Variants in RAB38 observed in about 807,000 individuals in gnomAD.
The protein encoded by RAB38 is RAB38, member RAS oncogene family, also known as ras-related protein Rab-38.
A neutral mutation model predicts 18.4 loss-of-function variants in RAB38; 15 were observed. The observed-to-expected ratio is 0.82, with a 90% CI of 0.55 to 1.26. RAB38 has a LOEUF of 1.26. RAB38 is among the 50% of genes most tolerant of loss of function. The probability of loss-of-function intolerance (pLI) is 0.00; values close to 1 mark genes in which losing one functional copy is unlikely to be tolerated. For synonymous variants in RAB38, 101 were observed against 104.4 expected (o/e 0.97, Z 0.20); for missense variants, 294 against 267.4 (o/e 1.10, Z -0.69).
At chr11:87,872,051 A>G in the RAB38 span, among the ~76,000 whole-genome samples, 2 of 151,674 alleles carry the variant, frequency 1.3e-5, no homozygotes, top group Middle Eastern at 6.8e-3. Flanking sequence ...ATAGTGGTTA[A>G]TACTTTACCA....
At chr11:88,018,011 G>A in the RAB38 span, among the ~76,000 whole-genome samples, 112 of 152,110 alleles carry the variant, frequency 7.4e-4, no homozygotes, top group Non-Finnish European at 1.2e-3. Context: ...GTCTGCCGCC[G>A]TATGAGACAT....
At position 88,116,014 on chromosome 11, in the gene RAB38, T is replaced by C. The variant is rs556954803; in HGVS notation, c.484-1874A>G. Among the ~76,000 whole-genome samples the C allele has an allele frequency of 3.0e-4, 45 of 152,306 alleles. 1 individual carries two copies. The highest frequency in any genetic ancestry group is 8.9e-4 in the African/African-American group (37 of 41,570). ...AGAGAACAGCAATGCTTCTGCCCCA[T>C]CCCCTGTTGGGCAACTTCCTGTGCC... On this transcript the variant is annotated intron_variant, in intron 2 of 2. Coordinates refer to ENST00000243662, the MANE Select transcript of RAB38 (RefSeq NM_022337.3).
chr11:87,946,536 C>T, the RAB38 span, among the ~76,000 whole-genome samples: 1 of 152,170 alleles, frequency 6.6e-6, no homozygotes, highest in East Asian at 1.9e-4. Flanking sequence ...GCTATCCCTC[C>T]CCCCTCGCCC....
the RAB38 span, among the ~76,000 whole-genome samples, chr11:88,009,460 G>A: frequency 0.85 from 128,948 of 152,130 alleles, 54,767 homozygotes; most frequent in South Asian, 0.91. Context: ...AGGATTCTGG[G>A]GAGAAGTTTC....
chr11:87,955,938 C>G, the RAB38 span, among the ~76,000 whole-genome samples: 4 of 151,866 alleles, frequency 2.6e-5, no homozygotes, highest in Non-Finnish European at 4.4e-5. Flanking sequence ...TGTATTTTCT[C>G]TTAACAAGAC....
At chr11:88,141,032 G>T (rs957573995) in intron 2 of RAB38, among the ~76,000 whole-genome samples, 2 of 152,266 alleles carry the variant, frequency 1.3e-5, no homozygotes, top group Non-Finnish European at 1.5e-5. Flanking sequence ...AGAGATCAAG[G>T]AGGAAAGATC....
the RAB38 span, among the ~76,000 whole-genome samples, chr11:87,896,131 A>AGT: frequency 6.6e-6 from 1 of 151,750 alleles, no homozygotes; most frequent in African/African-American, 2.4e-5. Context: ...TTAGTAACGT[A>AGT]AAAGGGAATG....
At chr11:88,145,001 A>T (rs889002706) in intron 2 of RAB38, among the ~76,000 whole-genome samples, 1 of 152,146 alleles carries the variant, frequency 6.6e-6, no homozygotes, top group Non-Finnish European at 1.5e-5. Flanking sequence ...TTTTCACCAG[A>T]GTATGGCTGT....
chr11:87,897,006 T>C, the RAB38 span, among the ~76,000 whole-genome samples: 2 of 151,706 alleles, frequency 1.3e-5, no homozygotes, highest in Non-Finnish European at 3.0e-5. Context: ...CCAATCTTAC[T>C]GATCTTTTTG....
At chr11:87,885,135 C>T in the RAB38 span, among the ~76,000 whole-genome samples, 1 of 152,002 alleles carries the variant, frequency 6.6e-6, no homozygotes, top group East Asian at 2.0e-4. Context: ...AGACATTCAA[C>T]CTGCTACGTA....
the RAB38 span, among the ~76,000 whole-genome samples, chr11:87,866,043 AG>A: frequency 6.6e-6 from 1 of 151,760 alleles, no homozygotes; most frequent in African/African-American, 2.4e-5. Context: ...TCGGAGTCTC[AG>A]AAAGTATGAA....
intron 1 of RAB38, chr11:88,166,131 A>G (rs1448209713): frequency 6.6e-6 from 1 of 152,234 alleles, no homozygotes; most frequent in Non-Finnish European, 1.5e-5. Flanking sequence ...AAAGGCTCAG[A>G]GGCAATAAGC....
chr11:88,094,116 A>G, the RAB38 span, among the ~76,000 whole-genome samples: 47,084 of 151,720 alleles, frequency 0.31, 8,027 homozygotes, highest in Non-Finnish European at 0.4. Context: ...GGAAGACTCA[A>G]TAAATACTGA....
chr11:87,839,634 C>T, the RAB38 span, among the ~76,000 whole-genome samples: 2 of 152,142 alleles, frequency 1.3e-5, no homozygotes, highest in African/African-American at 4.8e-5. Context: ...ACATTTTTAA[C>T]TGTCAATCTT....
chr11:87,960,166 C>G, the RAB38 span, among the ~76,000 whole-genome samples: 1 of 152,016 alleles, frequency 6.6e-6, no homozygotes, highest in African/African-American at 2.4e-5. Flanking sequence ...AAAAGTGCTT[C>G]TCAAAGTTTA....
chr11:87,879,524 G>A, the RAB38 span: 1 of 151,718 alleles, frequency 6.6e-6, no homozygotes, highest in African/African-American at 2.4e-5. Context: ...TTATGCAGTG[G>A]ACTAGGGTTG....
At chr11:87,851,811 A>C in the RAB38 span, among the ~76,000 whole-genome samples, 2 of 152,124 alleles carry the variant, frequency 1.3e-5, no homozygotes, top group African/African-American at 4.8e-5. Flanking sequence ...AATTCACTGA[A>C]GTACCCTTGT....
the RAB38 span, among the ~76,000 whole-genome samples, chr11:88,044,616 G>A: frequency 6.6e-6 from 1 of 152,024 alleles, no homozygotes. Context: ...GATAATTATT[G>A]CCGTAAAATG....
the RAB38 span, among the ~76,000 whole-genome samples, chr11:87,928,049 G>A: frequency 6.6e-6 from 1 of 151,882 alleles, no homozygotes; most frequent in Non-Finnish European, 1.5e-5. Context: ...CTGCATTCCA[G>A]CCTATGCAAC....
Sources: gnomAD v4.1 joint callset for allele counts (sites outside exome capture counted in the v4.1 genomes callset) on GRCh38, gnomAD v4.1.1 for gene constraint, MANE v1.5 for transcripts, NCBI Gene and HGNC (gene_info 2026-07-23, HGNC 2026-07-21) for gene names.